AKT3: variants seen among roughly 807,000 people sequenced by gnomAD.
AKT3 encodes AKT serine/threonine kinase 3, also known as RAC-gamma serine/threonine-protein kinase.
Under a neutral mutation model 65.3 loss-of-function variants are expected in AKT3, and 15 were observed. The ratio of observed to expected loss-of-function variants is 0.23; its 90% CI spans 0.15 to 0.35. The LOEUF (loss-of-function observed/expected upper bound fraction) is 0.35, where lower values mean the gene tolerates loss of function less well. Among genes scored for constraint, AKT3 ranks in the 10% least tolerant of loss-of-function variants. The pLI is 1.00. For synonymous variants in AKT3, 206 were observed against 183.8 expected, an observed-to-expected ratio of 1.12 and a Z score of -0.98; for missense variants, 243 against 576.5, an observed-to-expected ratio of 0.42 and a Z score of 5.92.
chr1:243,506,362 G>A (rs1006103920), intron 13 of AKT3, among the ~76,000 whole-genome samples: 2 of 152,108 alleles, frequency 1.3e-5, no homozygotes, highest in African/African-American at 2.4e-5. Context: ...AAAATAATTC[G>A]ATGTCCTCAA....
At chr1:243,688,621 A>G (rs1006133615) in intron 3 of AKT3, among the ~76,000 whole-genome samples, 9 of 152,184 alleles carry the variant, frequency 5.9e-5, no homozygotes, top group African/African-American at 2.2e-4. Context: ...TAGCAGTAAG[A>G]CTGAAAAGGA....
At position 243,689,565 on chromosome 1, in the gene AKT3, C is replaced by T. The variant is rs543125429; in HGVS notation, c.172+6026G>A. On this transcript the variant is annotated intron_variant, in intron 3 of 13. Coordinates refer to ENST00000673466, the MANE Select transcript of AKT3 (RefSeq NM_005465.7). Reference sequence around the variant, plus strand: ...TCTCAAACGATCCTTCCACCTTAGCCACCCAAGCATCTGGGATGAGATAAA... The same window carrying T: ...TCTCAAACGATCCTTCCACCTTAGCTACCCAAGCATCTGGGATGAGATAAA... Among the ~76,000 whole-genome samples the T allele has an allele frequency of 3.3e-5, 5 of 151,122 alleles. No homozygotes were observed. The East Asian group carries it at 9.7e-4, about 29-fold the overall frequency.
At chr1:243,666,559 C>T (rs774130416) in intron 3 of AKT3, among the ~76,000 whole-genome samples, 6 of 152,130 alleles carry the variant, frequency 3.9e-5, no homozygotes, top group Non-Finnish European at 8.8e-5. Flanking sequence ...ATTCATTCCT[C>T]CTCCTGGCTT....
At chr1:243,720,640 A>G (rs527359365) in intron 2 of AKT3, among the ~76,000 whole-genome samples, 7 of 152,110 alleles carry the variant, frequency 4.6e-5, no homozygotes, top group Non-Finnish European at 5.9e-5. Flanking sequence ...TTAATATCAT[A>G]ATATTATCTT....
chr1:243,598,568 C>A (rs1294224537), intron 8 of AKT3, among the ~76,000 whole-genome samples: 1 of 152,110 alleles, frequency 6.6e-6, no homozygotes, highest in Non-Finnish European at 1.5e-5. Context: ...AGCTGTACTC[C>A]CACGGTTTAG....
At chr1:243,746,924 G>T (rs1688504360) in intron 2 of AKT3, among the ~76,000 whole-genome samples, 1 of 152,054 alleles carries the variant, frequency 6.6e-6, no homozygotes, top group Admixed American at 6.5e-5. Context: ...TACAGGAAAG[G>T]AACAACTGCA....
chr1:243,518,516 T>C (rs1324168465), intron 12 of AKT3, among the ~76,000 whole-genome samples: 3 of 152,022 alleles, frequency 2.0e-5, no homozygotes, highest in Non-Finnish European at 4.4e-5. Flanking sequence ...TCCCAGCTAC[T>C]TGGGAGGCTG....
At chr1:243,523,539 T>A (rs951480987) in intron 12 of AKT3, among the ~76,000 whole-genome samples, 2 of 152,200 alleles carry the variant, frequency 1.3e-5, no homozygotes, top group Non-Finnish European at 2.9e-5. Flanking sequence ...AATATTCACA[T>A]TGAAAATAAT....
At chr1:243,582,433 A>G (rs1371288603) in intron 8 of AKT3, among the ~76,000 whole-genome samples, 3 of 125,376 alleles carry the variant, frequency 2.4e-5, no homozygotes, top group Non-Finnish European at 5.0e-5. Flanking sequence ...CTGGGGACCT[A>G]TTTTTAGCTT....
At chr1:243,629,118 T>A (rs1028745025) in intron 6 of AKT3, among the ~76,000 whole-genome samples, 3 of 151,874 alleles carry the variant, frequency 2.0e-5, no homozygotes, top group Non-Finnish European at 2.9e-5. Context: ...CTCTACTAAA[T>A]ACAAAAAGTT....
chr1:243,828,688 ATG>A (rs1694321961), intron 2 of AKT3, among the ~76,000 whole-genome samples: 1 of 152,176 alleles, frequency 6.6e-6, no homozygotes, highest in African/African-American at 2.4e-5. Context: ...TATATATAAA[ATG>A]TGTGTTAATG....
chr1:243,625,931 T>C (rs973794163), intron 6 of AKT3, among the ~76,000 whole-genome samples: 2 of 152,120 alleles, frequency 1.3e-5, no homozygotes, highest in Admixed American at 6.5e-5. Context: ...ACTGTAAAAT[T>C]TGTTTACCCT....
chr1:243,842,976 T>C (rs920237356), intron 2 of AKT3, 149 bp downstream of exon 2: 90 of 823,764 alleles, frequency 1.1e-4, no homozygotes, highest in Non-Finnish European at 9.2e-5. Context: ...ACAAGCAAAT[T>C]CCTAACACAC....
chr1:243,758,685 G>C (rs1689294909), intron 2 of AKT3, among the ~76,000 whole-genome samples: 1 of 152,202 alleles, frequency 6.6e-6, no homozygotes, highest in African/African-American at 2.4e-5. Flanking sequence ...AGATTCATTA[G>C]TTAGAGTTAG....
intron 13 of AKT3, among the ~76,000 whole-genome samples, chr1:243,509,921 G>A (rs1469919769): frequency 6.6e-6 from 1 of 152,136 alleles, no homozygotes; most frequent in Non-Finnish European, 1.5e-5. Flanking sequence ...CAGGACACAA[G>A]GCAGGTTCCC....
rs780918861 is a variant in AKT3 at position 243,562,802 on chromosome 1, T to C, written c.948+918A>G. Among the ~76,000 whole-genome samples the C allele has an allele frequency of 4.6e-5, 7 of 152,158 alleles. No homozygotes were observed. The East Asian group carries it at 5.8e-4, about 13-fold the overall frequency. On this transcript the variant is annotated intron_variant, in intron 10 of 13. Coordinates refer to ENST00000673466, the MANE Select transcript of AKT3 (RefSeq NM_005465.7). ...TCCAGCCATAGAATCATGCTCTCAC[T>C]GTAAAGTCTTTCAAGCTGAGACCTC...
intron 2 of AKT3, among the ~76,000 whole-genome samples, chr1:243,795,356 T>C (rs947223995): frequency 5.3e-5 from 8 of 151,916 alleles, no homozygotes; most frequent in East Asian, 1.9e-4. Flanking sequence ...AGGAGAAGGA[T>C]AGGACAGGCT....
intron 12 of AKT3, among the ~76,000 whole-genome samples, chr1:243,543,609 T>C (rs1297780874): frequency 1.3e-5 from 2 of 152,218 alleles, no homozygotes; most frequent in East Asian, 3.8e-4. Context: ...TCTTTTGTAG[T>C]GTACTGACAC....
intron 2 of AKT3, among the ~76,000 whole-genome samples, chr1:243,726,653 A>G (rs926779288): frequency 6.6e-6 from 1 of 152,230 alleles, no homozygotes; most frequent in Admixed American, 6.5e-5. Flanking sequence ...TCAGTCCCAC[A>G]GCCATGAGAG....
Sources: gnomAD v4.1 joint callset for allele counts (sites outside exome capture counted in the v4.1 genomes callset) on GRCh38, gnomAD v4.1.1 for gene constraint, MANE v1.5 for transcripts, NCBI Gene and HGNC (gene_info 2026-07-23, HGNC 2026-07-21) for gene names.